Variants in CHMP2B observed in about 807,000 individuals in gnomAD.
The protein encoded by CHMP2B is charged multivesicular body protein 2B, also known as VPS2 homolog B.
CHMP2B carries 22 observed loss-of-function variants against 29.8 expected under a neutral mutation model. The ratio of observed to expected loss-of-function variants is 0.74; its 90% CI spans 0.53 to 1.05. The LOEUF is 1.05. Ranked by LOEUF, CHMP2B falls within the 50% of genes least tolerant of loss-of-function variation. CHMP2B has a pLI of 0.00. For synonymous variants in CHMP2B, 78 were observed against 75.8 expected (o/e 1.03, Z -0.15); for missense variants, 261 against 252.2 (o/e 1.03, Z -0.24).
intron 4 of CHMP2B, among the ~76,000 whole-genome samples, chr3:87,252,728 G>A (rs556462655): frequency 3.7e-4 from 56 of 151,840 alleles, no homozygotes; most frequent in Middle Eastern, 6.8e-3. Flanking sequence ...TCAGGCACTA[G>A]ATGCCCAAGA....
intron 2 of CHMP2B, among the ~76,000 whole-genome samples, chr3:87,245,441 T>TA (rs900525731): frequency 1.3e-5 from 2 of 151,406 alleles, no homozygotes; most frequent in African/African-American, 4.8e-5. Context: ...TTTTTTTTTT[T>TA]AATTTTCTTC....
At chr3:87,236,348 G>C (rs1302012702) in intron 1 of CHMP2B, among the ~76,000 whole-genome samples, 2 of 151,976 alleles carry the variant, frequency 1.3e-5, no homozygotes, top group African/African-American at 4.8e-5. Context: ...AATTCCAAGG[G>C]TTTTAGGCCC....
intron 2 of CHMP2B, among the ~76,000 whole-genome samples, chr3:87,245,297 T>G (rs2106907635): frequency 6.6e-6 from 1 of 152,304 alleles, no homozygotes; most frequent in Non-Finnish European, 1.5e-5. Context: ...AGGTATAAAA[T>G]GGACTATTTT....
intron 1 of CHMP2B, 110 bp from the exon 2 acceptor site, chr3:87,240,589 G>A (rs534461328): frequency 5.4e-5 from 43 of 790,812 alleles, no homozygotes; most frequent in East Asian, 4.1e-4. Context: ...GAGCCACTGC[G>A]CCCAGCCAAT....
At chr3:87,237,509 G>T (rs556729705) in intron 1 of CHMP2B, among the ~76,000 whole-genome samples, 1 of 152,262 alleles carries the variant, frequency 6.6e-6, no homozygotes, top group African/African-American at 2.4e-5. Context: ...CGTTTTCATT[G>T]TTTAAGCCAT....
chr3:87,228,634 C>T (rs1429422875), intron 1 of CHMP2B, among the ~76,000 whole-genome samples: 2 of 152,220 alleles, frequency 1.3e-5, no homozygotes, highest in Admixed American at 1.3e-4. Flanking sequence ...TGCTCTGCTG[C>T]TGTACACTTC....
intron 1 of CHMP2B, among the ~76,000 whole-genome samples, chr3:87,232,673 T>C (rs1354023415): frequency 6.6e-6 from 1 of 152,192 alleles, no homozygotes; most frequent in Non-Finnish European, 1.5e-5. Context: ...AGACATTTCC[T>C]TTCTGGCTAC....
chr3:87,242,410 G>C lies in CHMP2B; in HGVS notation c.126+1620G>C, dbSNP rs1292576079. ...TTTCTAAGTCTTCTGTATCATTGCA[G>C]ATCTTCTGTCTACTTGTCACAATTA... On this transcript the variant is annotated intron_variant, in intron 2 of 5. Transcript: ENST00000263780. Among the ~76,000 whole-genome samples, 3 of 152,114 alleles carry C rather than the reference G, an allele frequency of 2.0e-5. No homozygotes were observed. The East Asian group carries it at 5.8e-4, about 29-fold the overall frequency.
intron 2 of CHMP2B, among the ~76,000 whole-genome samples, chr3:87,244,110 G>C (rs1706171023): frequency 6.8e-6 from 1 of 147,970 alleles, no homozygotes; most frequent in Non-Finnish European, 1.5e-5. Context: ...GCGGTGGCGT[G>C]ATCTCAGCTC....
intron 1 of CHMP2B, among the ~76,000 whole-genome samples, chr3:87,236,504 A>C (rs1706014154): frequency 6.6e-6 from 1 of 152,098 alleles, no homozygotes; most frequent in Non-Finnish European, 1.5e-5. Context: ...CCACAGTTTA[A>C]CTTCTGAGTA....
intron 1 of CHMP2B, among the ~76,000 whole-genome samples, chr3:87,230,194 A>G (rs1367312424): frequency 6.6e-6 from 1 of 152,196 alleles, no homozygotes; most frequent in Non-Finnish European, 1.5e-5. Context: ...CAAATGCACA[A>G]CTAAACATGC....
chr3:87,252,454 T>C (rs889680188), intron 4 of CHMP2B, among the ~76,000 whole-genome samples: 1 of 152,002 alleles, frequency 6.6e-6, no homozygotes, highest in East Asian at 1.9e-4. Flanking sequence ...TTCTTGCTTG[T>C]GTCCCTGTTG....
intron 4 of CHMP2B, 92 bp downstream of exon 4, chr3:87,250,069 C>A: frequency 1.3e-6 from 1 of 758,860 alleles, no homozygotes; most frequent in South Asian, 1.7e-5. Flanking sequence ...TTCACGAAGG[C>A]AGAAATGATG....
chr3:87,227,318 C>G lies in CHMP2B; in HGVS notation c.-205C>G. 1.6e-6 allele frequency: 1 copy of G among 617,616 alleles called. No individual in the cohort carries two copies. The highest frequency in any genetic ancestry group is 2.7e-5 in the East Asian group (1 of 36,474). 38.3% of individuals were successfully genotyped at this position (617,616 alleles called of 1,614,324 possible). A position where few individuals can be genotyped will look rare whatever the true frequency, so the allele number is the denominator to read the frequency against. ...CTTCTCCAAAAAGTGTGTTAGTTCC[C>G]GGTCACCTGAGCTCCGGGTGACGCG... On this transcript the variant is annotated 5_prime_UTR_variant, in exon 1 of 6. Coordinates refer to ENST00000263780, the MANE Select transcript of CHMP2B (RefSeq NM_014043.4).
intron 1 of CHMP2B, among the ~76,000 whole-genome samples, chr3:87,235,572 C>T (rs1158986769): frequency 6.6e-6 from 1 of 152,114 alleles, no homozygotes. Context: ...TTATGATATA[C>T]AGTGACTGTT....
Position 87,240,605 on chromosome 3 carries a change from A to G in CHMP2B, c.35-94A>G, listed in dbSNP as rs916100865. On this transcript the variant is annotated intron_variant, in intron 1 of 5. Transcript: ENST00000263780. ...AGCCACTGCGCCCAGCCAATATAAG[A>G]TTTTTTTAAATCATGATCTGTGAAT... The G allele has an allele frequency of 1.5e-5, 14 of 934,872 alleles. No individual in the cohort carries two copies. The African/African-American group carries it at 1.8e-4, about 12-fold the overall frequency. The allele number at this position is 934,872 out of a possible 1,614,324, so 57.9% of individuals were successfully genotyped here.
chr3:87,254,023 A>G lies in CHMP2B; in HGVS notation c.*201A>G. The G allele has an allele frequency of 3.9e-6, 2 of 507,110 alleles. No individual in the cohort carries two copies. Among genetic ancestry groups the G allele is most frequent in the Non-Finnish European group, 7.1e-6 (2 of 280,608 alleles). The allele number at this position is 507,110 out of a possible 1,614,324, so 31.4% of individuals were successfully genotyped here. ...TGATGCAAAAATGGGAACAGTTTGGATTTTAATTAGAACTGTTTAGGAGTG... is the reference window on the plus strand; with the variant it reads ...TGATGCAAAAATGGGAACAGTTTGGGTTTTAATTAGAACTGTTTAGGAGTG... On this transcript the variant is annotated 3_prime_UTR_variant, in exon 6 of 6. Transcript: ENST00000263780.
chr3:87,238,602 G>A (rs1283957951), intron 1 of CHMP2B, among the ~76,000 whole-genome samples: 2 of 152,096 alleles, frequency 1.3e-5, no homozygotes. Flanking sequence ...TGTTTTTGAG[G>A]TTCACGCATG....
At chr3:87,243,395 G>T (rs542816108) in intron 2 of CHMP2B, among the ~76,000 whole-genome samples, 151 of 151,568 alleles carry the variant, frequency 1.0e-3, no homozygotes, top group Admixed American at 3.7e-3. Flanking sequence ...GGTTTTTTTT[G>T]TTTGTTTGTT....
Sources: allele counts gnomAD v4.1 joint callset (sites outside exome capture counted in the v4.1 genomes callset), GRCh38; gene constraint gnomAD v4.1.1; transcripts MANE v1.5; gene names NCBI Gene and HGNC (gene_info 2026-07-23, HGNC 2026-07-21).